The following MAGI3 variants were observed in gnomAD, a reference collection of about 807,000 sequenced individuals.
MAGI3 encodes the protein membrane-associated guanylate kinase, WW and PDZ domain-containing protein 3.
In MAGI3, 43 loss-of-function variants were observed where a neutral mutation model predicts 121.8. That is an observed-to-expected ratio of 0.35 (90% CI 0.28 to 0.46). MAGI3 has a LOEUF of 0.46. Among genes scored for constraint, MAGI3 ranks in the 20% least tolerant of loss-of-function variants. The pLI is 1.00. For missense variants in MAGI3, 1,547 were observed against 1,797.3 expected (o/e 0.86, Z 2.52); for synonymous variants, 553 against 639.3 (o/e 0.86, Z 2.04).
At chr1:113,583,131 TTTTA>T (rs1181983954) in intron 3 of MAGI3, among the ~76,000 whole-genome samples, 21 of 151,290 alleles carry the variant, frequency 1.4e-4, no homozygotes, top group Admixed American at 2.6e-4. Context: ...ATCTAATTTA[TTTTA>T]TTTATTTATT....
chr1:113,521,084 A>G (rs1044356480), intron 1 of MAGI3, among the ~76,000 whole-genome samples: 3 of 141,102 alleles, frequency 2.1e-5, no homozygotes, highest in Admixed American at 7.2e-5. Flanking sequence ...CCATAGTGCT[A>G]TTCATTTTTT....
rs988166074 is a variant in MAGI3 at position 113,683,528 on chromosome 1, G to A, written c.3960G>A (p.Thr1320=). Residue 1320 remains threonine (T), a synonymous_variant, in exon 21 of 21, where the codon ACG becomes ACA. Transcript: ENST00000307546. ...AGAGTCGAAGAATAGCAGGCTATAC[G>A]GGCAGTAATGCTGAGCAGATCCCAG... ...EGKSRRIAGY[T]GSNAEQIPDG... is the part of the protein sequence containing the mutation. 7 of 1,613,916 alleles carry A rather than the reference G, an allele frequency of 4.3e-6. No homozygotes were observed. The highest frequency in any genetic ancestry group is 5.1e-6 in the Non-Finnish European group (6 of 1,179,878).
intron 1 of MAGI3, among the ~76,000 whole-genome samples, chr1:113,403,123 G>T (rs899958264): frequency 6.6e-6 from 1 of 152,120 alleles, no homozygotes; most frequent in East Asian, 1.9e-4. Context: ...TGGAGGGCTG[G>T]GCTCTAGACT....
intron 1 of MAGI3, among the ~76,000 whole-genome samples, chr1:113,395,186 G>A (rs538873199): frequency 1.4e-5 from 2 of 139,158 alleles, no homozygotes; most frequent in East Asian, 4.5e-4. Flanking sequence ...GGAAAGGTAA[G>A]AGAATTTAGA....
chr1:113,578,390 A>G (rs1647792707), intron 2 of MAGI3, among the ~76,000 whole-genome samples: 1 of 152,102 alleles, frequency 6.6e-6, no homozygotes, highest in African/African-American at 2.4e-5. Context: ...ATAATTACAA[A>G]TTATAATTTT....
At chr1:113,488,972 C>T (rs541952397) in intron 1 of MAGI3, among the ~76,000 whole-genome samples, 15 of 152,298 alleles carry the variant, frequency 9.8e-5, no homozygotes, top group African/African-American at 3.4e-4. Context: ...GCTCCAGCTG[C>T]ATTCCCTTCA....
In MAGI3 at chr1:113,654,031, G is replaced by T. The variant is rs369448197; in HGVS notation, c.2629+13G>T. On this transcript the variant is annotated intron_variant, in intron 15 of 20. Coordinates refer to ENST00000307546, the MANE Select transcript of MAGI3 (RefSeq NM_001142782.2). ...CCACCTCCAGGAGGTAAGGGCTATT[G>T]TATCTTATTGTCTCTCCCTGCAAGT... is the stretch of plus-strand genomic sequence containing the variant. 3.2e-5 allele frequency: 51 copies of T among 1,595,192 alleles called. No homozygotes were observed.
At chr1:113,392,852 G>C (rs1273915917) in intron 1 of MAGI3, among the ~76,000 whole-genome samples, 1 of 152,162 alleles carries the variant, frequency 6.6e-6, no homozygotes, top group Non-Finnish European at 1.5e-5. Context: ...GTCAGGCACT[G>C]TCTGTAATAT....
chr1:113,491,038 A>G (rs1656643775), intron 1 of MAGI3, among the ~76,000 whole-genome samples: 1 of 152,164 alleles, frequency 6.6e-6, no homozygotes, highest in Non-Finnish European at 1.5e-5. Flanking sequence ...CCTGATCAAC[A>G]TCCACAGAAC....
At chr1:113,445,065 G>GA (rs1654103981) in intron 1 of MAGI3, among the ~76,000 whole-genome samples, 1 of 152,002 alleles carries the variant, frequency 6.6e-6, no homozygotes, top group African/African-American at 2.4e-5. Context: ...GGAACAGAAA[G>GA]AAAAAATACT....
At chr1:113,459,674 C>T (rs1654936708) in intron 1 of MAGI3, among the ~76,000 whole-genome samples, 1 of 152,178 alleles carries the variant, frequency 6.6e-6, no homozygotes, top group African/African-American at 2.4e-5. Context: ...CTTCTCTTTG[C>T]CATTATGGGT....
At chr1:113,468,823 T>C (rs1201441268) in intron 1 of MAGI3, among the ~76,000 whole-genome samples, 1 of 152,174 alleles carries the variant, frequency 6.6e-6, no homozygotes, top group Non-Finnish European at 1.5e-5. Flanking sequence ...TACATGTGGC[T>C]CACATTTGTA....
At chr1:113,415,741 T>C (rs768079035) in intron 1 of MAGI3, among the ~76,000 whole-genome samples, 1 of 152,026 alleles carries the variant, frequency 6.6e-6, no homozygotes, top group African/African-American at 2.4e-5. Context: ...ATGGTCTGTT[T>C]CTCACCAGAA....
At chr1:113,602,014 C>T (rs1323425818) in intron 6 of MAGI3, among the ~76,000 whole-genome samples, 1 of 151,908 alleles carries the variant, frequency 6.6e-6, no homozygotes, top group Non-Finnish European at 1.5e-5. Context: ...TAGGTTGGAA[C>T]TGAACAATGA....
At chr1:113,485,194 G>T (rs1181004295) in intron 1 of MAGI3, among the ~76,000 whole-genome samples, 2 of 152,146 alleles carry the variant, frequency 1.3e-5, no homozygotes, top group Non-Finnish European at 1.5e-5. Flanking sequence ...TGGGATTGCT[G>T]GATCAAATGG....
intron 15 of MAGI3, among the ~76,000 whole-genome samples, chr1:113,656,570 C>T (rs567195189): frequency 4.6e-5 from 7 of 152,138 alleles, no homozygotes; most frequent in Admixed American, 1.3e-4. Flanking sequence ...TGTGCCAACA[C>T]ACCTGGCTAA....
At chr1:113,417,661 C>T (rs1421179873) in intron 1 of MAGI3, among the ~76,000 whole-genome samples, 5 of 152,148 alleles carry the variant, frequency 3.3e-5, no homozygotes, top group Admixed American at 3.3e-4. Context: ...TTCTCATGAT[C>T]TCTGTGTTGG....
Position 113,390,758 on chromosome 1 carries a change from A to C in MAGI3, c.-276A>C. On this transcript the variant is annotated 5_prime_UTR_variant, in exon 1 of 21. Transcript: ENST00000307546. ...AAGCCCCTTCTGGAACCTCCTGGGG[A>C]CAATTCCCTTTTCCTTTCTTCAGCC... The C allele has an allele frequency of 5.4e-6, 1 of 184,016 alleles. No homozygotes were observed. 11.4% of individuals were successfully genotyped at this position (184,016 alleles called of 1,614,324 possible).
intron 1 of MAGI3, among the ~76,000 whole-genome samples, chr1:113,542,113 C>G (rs1383300804): frequency 6.6e-6 from 1 of 152,116 alleles, no homozygotes; most frequent in Non-Finnish European, 1.5e-5. Flanking sequence ...AGTAGTCCCC[C>G]CCTCCTTATT....
Sources: gnomAD v4.1 joint callset for allele counts (sites outside exome capture counted in the v4.1 genomes callset) on GRCh38, gnomAD v4.1.1 for gene constraint, MANE v1.5 for transcripts, NCBI Gene and HGNC (gene_info 2026-07-23, HGNC 2026-07-21) for gene names.